FGD5: variants seen among roughly 807,000 people sequenced by gnomAD.
FGD5 encodes the protein FYVE, RhoGEF and PH domain-containing protein 5.
In FGD5, 28 loss-of-function variants were observed where a neutral mutation model predicts 133.4. That is an observed-to-expected ratio of 0.21 (90% CI 0.16 to 0.29). FGD5 has a LOEUF of 0.29. Ranked by LOEUF, FGD5 falls within the 10% of genes least tolerant of loss-of-function variation. The pLI, the probability that FGD5 is intolerant of heterozygous loss-of-function variation, is 1.00. For missense variants in FGD5, 1,858 were observed against 1,895.2 expected, an observed-to-expected ratio of 0.98 and a Z score of 0.36; for synonymous variants, 810 against 776.5, an observed-to-expected ratio of 1.04 and a Z score of -0.72.
chr3:14,819,097 T>C lies in FGD5; in HGVS notation c.26T>C (p.Ile9Thr), dbSNP rs1441725079. 1.9e-6 allele frequency: 3 copies of C among 1,549,918 alleles called. No individual in the cohort carries two copies. Among genetic ancestry groups the C allele is most frequent in the Non-Finnish European group, 2.6e-6 (3 of 1,146,922 alleles). The change falls in exon 1 of 20, where the codon ATT becomes ACT. Residue 9 changes from isoleucine (I) to threonine (T), a missense_variant. Coordinates refer to ENST00000285046, the MANE Select transcript of FGD5 (RefSeq NM_152536.4). The surrounding 1 kb of genome is among the most constrained non-coding windows in gnomAD (Gnocchi z 4.1). ...ATGTTCAGGGGTCCGAAGCCCCCCATTGCCCCCAAGCCCAGGCTGACTGCC... is the reference window on the plus strand; with the variant it reads ...ATGTTCAGGGGTCCGAAGCCCCCCACTGCCCCCAAGCCCAGGCTGACTGCC... Reference protein sequence around the residue: MFRGPKPPIAPKPRLTAPN... With the variant: MFRGPKPPTAPKPRLTAPN...
At chr3:14,846,224 G>T (rs1244141505) in intron 1 of FGD5, among the ~76,000 whole-genome samples, 1 of 152,130 alleles carries the variant, frequency 6.6e-6, no homozygotes, top group Non-Finnish European at 1.5e-5. Context: ...GTGTGGTTTG[G>T]GGGCTCAGGG....
chr3:14,843,705 G>A (rs35850039), intron 1 of FGD5, among the ~76,000 whole-genome samples: 1 of 110,422 alleles, frequency 9.1e-6, no homozygotes, highest in African/African-American at 3.6e-5. Flanking sequence ...TTTTTTTTTG[G>A]GGGGAGACAG....
At chr3:14,834,716 T>C (rs6771474) in intron 1 of FGD5, among the ~76,000 whole-genome samples, 7,797 of 152,222 alleles carry the variant, frequency 0.051, 218 homozygotes, top group African/African-American at 0.06. Context: ...AGGTGGAAAA[T>C]GGCTCCTGTT....
rs191218859 is a variant in FGD5, at chr3:14,839,995, C to A, written c.2525+18399C>A. On this transcript the variant is annotated intron_variant, in intron 1 of 19. Transcript: ENST00000285046. ...TTTTACAAAAAGCCACAGGCACTCC[C>A]AAAATTCAGATCTGCAGGGAAAAAT... Among the ~76,000 whole-genome samples the A allele has an allele frequency of 4.1e-3, 622 of 152,170 alleles. 3 individuals are homozygous for A. The highest frequency in any genetic ancestry group is 4.9e-3 in the Non-Finnish European group (334 of 67,992).
intron 1 of FGD5, among the ~76,000 whole-genome samples, chr3:14,834,695 C>T (rs764035096): frequency 5.8e-4 from 89 of 152,310 alleles, no homozygotes; most frequent in Non-Finnish European, 1.2e-3. Context: ...CTGTGCCACA[C>T]ACAGTAGGGG....
chr3:14,915,472 A>C (rs1291044966), intron 11 of FGD5, among the ~76,000 whole-genome samples: 1 of 152,140 alleles, frequency 6.6e-6, no homozygotes, highest in Non-Finnish European at 1.5e-5. Flanking sequence ...GCCTTGGTTC[A>C]CACTGGTGCC....
chr3:14,898,466 C>T (rs908748655), intron 6 of FGD5, among the ~76,000 whole-genome samples: 8 of 152,156 alleles, frequency 5.3e-5, no homozygotes, highest in Non-Finnish European at 7.3e-5. Flanking sequence ...GAGCTTTCCT[C>T]CATTGCTAAC....
intron 2 of FGD5, among the ~76,000 whole-genome samples, chr3:14,877,987 T>A (rs1255380422): frequency 6.6e-6 from 1 of 152,202 alleles, no homozygotes; most frequent in Admixed American, 6.5e-5. Context: ...CAGTCCAAGA[T>A]GGAGAAACCC....
At chr3:14,921,804 A>G in intron 13 of FGD5, 114 bp from the exon 14 acceptor site, 1 of 919,976 alleles carries the variant, frequency 1.1e-6, no homozygotes, top group South Asian at 1.5e-5. Flanking sequence ...GGTTCTGGGC[A>G]GTGTGAGAGG....
At chr3:14,811,389 C>G (rs1357214512) in intron 1 of FGD5, 1 of 152,236 alleles carries the variant, frequency 6.6e-6, no homozygotes, top group Non-Finnish European at 1.5e-5. Flanking sequence ...CTTCTCTCCT[C>G]CTAGACCCCG....
At chr3:14,932,954 C>T (rs1396995524) in intron 19 of FGD5, among the ~76,000 whole-genome samples, 177 bp from the exon 20 acceptor site, 1 of 152,180 alleles carries the variant, frequency 6.6e-6, no homozygotes, top group Non-Finnish European at 1.5e-5. Context: ...AGCTTTTGCC[C>T]TGTGTTCCAG....
chr3:14,861,238 G>A (rs868425381), intron 1 of FGD5, among the ~76,000 whole-genome samples: 3 of 152,132 alleles, frequency 2.0e-5, no homozygotes, highest in South Asian at 2.1e-4. Context: ...GAAAGCTGAC[G>A]TTTATTGAGT....
In FGD5 at chr3:14,918,837, C is replaced by G; in HGVS notation, c.3569+4C>G. 6.2e-7 allele frequency: 1 copy of G among 1,613,742 alleles called. No homozygotes were observed. ...CCTGCCTGATGCTGTCTGCGAGGTA[C>G]GGGCAGGTGGAGGGAGGATGGCGCA... On this transcript the variant is annotated splice_donor_region_variant and intron_variant, in intron 13 of 19. Transcript: ENST00000285046.
In FGD5 at chr3:14,900,508, G is replaced by A. The variant is rs961298747; in HGVS notation, c.3205+55G>A. 3.3e-5 allele frequency: 53 copies of A among 1,590,508 alleles called. 1 individual carries two copies. The highest frequency in any genetic ancestry group is 1.7e-4 in the Admixed American group (10 of 57,286). ...ACTCAAGCCTGCTCTGCCTCCTTGC[G>A]CCAAAGCCTGGACCCTGCCCCAATT... On this transcript the variant is annotated intron_variant, in intron 8 of 19. Coordinates refer to ENST00000285046, the MANE Select transcript of FGD5 (RefSeq NM_152536.4).
In FGD5 at chr3:14,819,355, C is replaced by A; in HGVS notation, c.284C>A (p.Ser95Tyr). 6.5e-7 allele frequency: 1 copy of A among 1,547,630 alleles called. No individual in the cohort carries two copies. Among genetic ancestry groups the A allele is most frequent in the Non-Finnish European group, 8.7e-7 (1 of 1,145,318 alleles). Residue 95 changes from serine (S) to tyrosine (Y), a missense_variant, in exon 1 of 20, where the codon TCT (serine) becomes TAT (tyrosine). Ser to Tyr is a moderately radical substitution (Grantham distance 144, BLOSUM62 -2). Transcript: ENST00000285046. The surrounding 1 kb of genome is among the most constrained non-coding windows in gnomAD (Gnocchi z 4.1). ...GNKALVSPESSAEEEEEREEG... is the reference protein window; with the variant it reads ...GNKALVSPESYAEEEEEREEG... ...AAAGCCCTGGTGTCTCCCGAGTCCT[C>A]TGCGGAAGAGGAAGAGGAGCGTGAA...
intron 1 of FGD5, among the ~76,000 whole-genome samples, chr3:14,829,227 G>A (rs2036659476): frequency 6.6e-6 from 1 of 152,164 alleles, no homozygotes; most frequent in South Asian, 2.1e-4. Context: ...GAGTTGGGAA[G>A]GCAGGGTGGG....
At chr3:14,909,419 C>G (rs749671931) in intron 10 of FGD5, among the ~76,000 whole-genome samples, 11 of 152,220 alleles carry the variant, frequency 7.2e-5, no homozygotes, top group Non-Finnish European at 1.5e-4. Context: ...CATGAGCACA[C>G]AAACCATATT....
chr3:14,859,193 G>A (rs1445299477), intron 1 of FGD5, among the ~76,000 whole-genome samples: 5 of 152,126 alleles, frequency 3.3e-5, no homozygotes, highest in African/African-American at 7.2e-5. Context: ...TGTATACAAT[G>A]TGGCATAATT....
chr3:14,886,587 A>T (rs575919094), intron 4 of FGD5, among the ~76,000 whole-genome samples: 1 of 152,228 alleles, frequency 6.6e-6, no homozygotes, highest in African/African-American at 2.4e-5. Flanking sequence ...GGGTGTGGAC[A>T]CGGGGAGGGT....
Sources: allele counts gnomAD v4.1 joint callset (sites outside exome capture counted in the v4.1 genomes callset), GRCh38; gene constraint gnomAD v4.1.1; non-coding constraint Gnocchi (gnomAD v3.1); transcripts MANE v1.5; gene names NCBI Gene and HGNC (gene_info 2026-07-23, HGNC 2026-07-21).